SUGCT: variants seen among roughly 807,000 people sequenced by gnomAD.
The protein encoded by SUGCT is succinyl-CoA:glutarate-CoA transferase, also known as succinyl-CoA:glutarate CoA-transferase.
A neutral mutation model predicts 55.0 loss-of-function variants in SUGCT; 41 were observed. The observed-to-expected ratio is 0.74, with a 90% CI of 0.58 to 0.97. The LOEUF is 0.97. Ranked by LOEUF, SUGCT falls within the 50% of genes least tolerant of loss-of-function variation. SUGCT has a pLI of 0.00. For synonymous variants in SUGCT, 187 were observed against 200.4 expected (o/e 0.93, Z 0.56); for missense variants, 568 against 547.8 (o/e 1.04, Z -0.37).
At chr7:40,249,344 T>TATATATATATATATATAAAA (rs1172651937) in intron 7 of SUGCT, among the ~76,000 whole-genome samples, 23 of 128,098 alleles carry the variant, frequency 1.8e-4, no homozygotes, top group African/African-American at 7.2e-4. Context: ...TATATATATA[T>TATATATATATATATATAAAA]ATAATTATAT....
chr7:40,141,874 G>T (rs1181650573), intron 1 of SUGCT: 1 of 420,940 alleles, frequency 2.4e-6, no homozygotes, highest in Non-Finnish European at 4.8e-6. Context: ...TGGAACAATG[G>T]TGAGCACACA....
At chr7:40,578,549 G>T (rs919997990) in intron 12 of SUGCT, among the ~76,000 whole-genome samples, 1 of 151,954 alleles carries the variant, frequency 6.6e-6, no homozygotes, top group African/African-American at 2.4e-5. Context: ...CCTTCACCTG[G>T]AACATTTTTC....
At chr7:40,335,757 T>G (rs1288572077) in intron 9 of SUGCT, among the ~76,000 whole-genome samples, 1 of 152,194 alleles carries the variant, frequency 6.6e-6, no homozygotes, top group African/African-American at 2.4e-5. Flanking sequence ...CCTCCCTGAT[T>G]GCCCTGGCCA....
intron 11 of SUGCT, among the ~76,000 whole-genome samples, chr7:40,487,078 CTTTT>C (rs745766266): frequency 1.1e-5 from 1 of 93,938 alleles, no homozygotes; most frequent in African/African-American, 4.8e-5. Context: ...TGATTTCAAT[CTTTT>C]TTTTTTTTTT....
chr7:40,865,217 C>T (rs1335354680), downstream of SUGCT, among the ~76,000 whole-genome samples: 1 of 152,058 alleles, frequency 6.6e-6, no homozygotes, highest in East Asian at 1.9e-4. Context: ...CACAGACACG[C>T]ACACAGAGTT....
chr7:40,173,286 A>G (rs1436260899), intron 1 of SUGCT, among the ~76,000 whole-genome samples: 1 of 152,230 alleles, frequency 6.6e-6, no homozygotes, highest in Non-Finnish European at 1.5e-5. Context: ...GAGAGCAGCA[A>G]TGGGTGCCTC....
intron 8 of SUGCT, among the ~76,000 whole-genome samples, chr7:40,304,749 T>A (rs547411212): frequency 1.3e-5 from 1 of 77,342 alleles, no homozygotes; most frequent in East Asian, 3.6e-4. Context: ...ATAATAATAA[T>A]AATAATAATA....
chr7:40,869,809 T>G, the SUGCT span, among the ~76,000 whole-genome samples: 8 of 152,320 alleles, frequency 5.3e-5, no homozygotes, highest in East Asian at 1.5e-3. Context: ...GCAGTTATTT[T>G]GTAGAATGTC....
intron 8 of SUGCT, among the ~76,000 whole-genome samples, chr7:40,302,109 G>T: frequency 6.6e-6 from 1 of 151,990 alleles, no homozygotes; most frequent in African/African-American, 2.4e-5. Flanking sequence ...AGTATTTGAG[G>T]TTTCTGCTTC....
At chr7:40,248,240 A>G (rs1393148399) in intron 7 of SUGCT, among the ~76,000 whole-genome samples, 2 of 151,602 alleles carry the variant, frequency 1.3e-5, no homozygotes, top group African/African-American at 4.8e-5. Context: ...CAAACTCCTG[A>G]CCTCAGGTGA....
chr7:40,898,374 C>A, the SUGCT span, among the ~76,000 whole-genome samples: 1 of 151,300 alleles, frequency 6.6e-6, no homozygotes, highest in Non-Finnish European at 1.5e-5. Flanking sequence ...TCAGCAAGAG[C>A]ACGAACCCAC....
chr7:40,542,704 C>T (rs578207015), intron 12 of SUGCT, among the ~76,000 whole-genome samples: 2 of 152,300 alleles, frequency 1.3e-5, no homozygotes, highest in Non-Finnish European at 2.9e-5. Flanking sequence ...TCTGTTAGAG[C>T]TATGTATTCT....
intron 8 of SUGCT, among the ~76,000 whole-genome samples, chr7:40,315,137 T>G (rs181850559): frequency 2.0e-5 from 3 of 152,300 alleles, no homozygotes; most frequent in African/African-American, 4.8e-5. Context: ...AACCTTTGGT[T>G]TAGCTGAAAT....
chr7:40,675,337 G>T (rs1041968138), intron 12 of SUGCT, among the ~76,000 whole-genome samples: 5 of 152,204 alleles, frequency 3.3e-5, no homozygotes, highest in Admixed American at 2.0e-4. Flanking sequence ...GGGGTTACAG[G>T]CGTGAGTCAC....
At chr7:40,939,993 G>T in the SUGCT span, among the ~76,000 whole-genome samples, 151 of 152,118 alleles carry the variant, frequency 9.9e-4, 2 homozygotes, top group African/African-American at 3.6e-3. Flanking sequence ...TTCTCCAAGA[G>T]TTTTTATGGT....
intron 3 of SUGCT, among the ~76,000 whole-genome samples, chr7:40,184,276 C>G (rs1785373941): frequency 6.6e-6 from 1 of 151,942 alleles, no homozygotes; most frequent in African/African-American, 2.4e-5. Flanking sequence ...ATATAAACAG[C>G]TTGTTTTATT....
In SUGCT at chr7:40,778,618, C is replaced by T. The variant is rs530378859; in HGVS notation, c.1153+29121C>T. Among the ~76,000 whole-genome samples, 9 of 152,360 alleles carry T rather than the reference C, an allele frequency of 5.9e-5. No homozygotes were observed. In the East Asian group the frequency reaches 1.7e-3, roughly 29 times the overall value. On this transcript the variant is annotated intron_variant, in intron 13 of 13. Coordinates refer to ENST00000335693, the MANE Select transcript of SUGCT (RefSeq NM_001193313.2). ...AGGAACCCTGGCATCCTGCCCTGCA[C>T]TCATAAGTGATCAGAAAATAATCAA...
At chr7:40,174,926 T>C (rs896578280) in intron 1 of SUGCT, among the ~76,000 whole-genome samples, 5 of 152,178 alleles carry the variant, frequency 3.3e-5, no homozygotes, top group Non-Finnish European at 5.9e-5. Context: ...TGAATAGTTA[T>C]CTTTTAAATG....
intron 12 of SUGCT, among the ~76,000 whole-genome samples, chr7:40,557,100 T>G (rs1016947821): frequency 6.6e-6 from 1 of 152,178 alleles, no homozygotes; most frequent in Non-Finnish European, 1.5e-5. Flanking sequence ...ACTTCAAAGC[T>G]ATAGGAATCA....
Sources: gnomAD v4.1 joint callset for allele counts (sites outside exome capture counted in the v4.1 genomes callset) on GRCh38, gnomAD v4.1.1 for gene constraint, MANE v1.5 for transcripts, NCBI Gene and HGNC (gene_info 2026-07-23, HGNC 2026-07-21) for gene names.